The following ZNF469 variants were observed in gnomAD, a reference collection of about 807,000 sequenced individuals.
ZNF469 encodes the protein zinc finger protein 469.
Under a neutral mutation model 1.0 loss-of-function variants are expected in ZNF469, and 1 was observed. The ratio of observed to expected loss-of-function variants is 1.00; its 90% CI spans 0.35 to 4.73. The LOEUF (loss-of-function observed/expected upper bound fraction) is 4.73, where lower values mean the gene tolerates loss of function less well. ZNF469 is among the 30% of genes most tolerant of loss of function. ZNF469 has a pLI of 0.16. For synonymous variants in ZNF469, 2,703 were observed against 2,363.4 expected, an observed-to-expected ratio of 1.14 and a Z score of -4.17; for missense variants, 6,100 against 5,356.3, an observed-to-expected ratio of 1.14 and a Z score of -4.33.
At chr16:88,369,165 G>A in the ZNF469 span, among the ~76,000 whole-genome samples, 2 of 151,784 alleles carry the variant, frequency 1.3e-5, no homozygotes, top group Non-Finnish European at 2.9e-5. Flanking sequence ...ATCCTGAGAT[G>A]GTGGCCCTGC....
chr16:88,124,300 C>T, the ZNF469 span, among the ~76,000 whole-genome samples: 2 of 152,202 alleles, frequency 1.3e-5, no homozygotes, highest in Non-Finnish European at 2.9e-5. Context: ...GTGGTGCAAT[C>T]ATGGCTCACT....
chr16:88,311,898 C>G, the ZNF469 span, among the ~76,000 whole-genome samples: 1 of 152,234 alleles, frequency 6.6e-6, no homozygotes, highest in African/African-American at 2.4e-5. Context: ...ATGGTGAAAT[C>G]TCATTGGCTG....
At chr16:88,113,043 G>A in the ZNF469 span, among the ~76,000 whole-genome samples, 3 of 152,104 alleles carry the variant, frequency 2.0e-5, no homozygotes, top group Non-Finnish European at 2.9e-5. Context: ...CTCCCAAAGT[G>A]CTGGGATTAC....
At chr16:88,166,449 T>A in the ZNF469 span, among the ~76,000 whole-genome samples, 1 of 152,076 alleles carries the variant, frequency 6.6e-6, no homozygotes, top group African/African-American at 2.4e-5. This position sits in a 1 kb window ranked among gnomAD's most constrained non-coding sequence, Gnocchi z 4.5. Flanking sequence ...AATGCACAAG[T>A]CTTAGATGTA....
At chr16:88,361,018 A>C in the ZNF469 span, among the ~76,000 whole-genome samples, 5 of 152,162 alleles carry the variant, frequency 3.3e-5, no homozygotes, top group African/African-American at 1.2e-4. Flanking sequence ...TAATTATACA[A>C]CTCACCATAA....
the ZNF469 span, among the ~76,000 whole-genome samples, chr16:88,190,051 T>C: frequency 7.0e-6 from 1 of 143,228 alleles, no homozygotes; most frequent in Non-Finnish European, 1.5e-5. Flanking sequence ...TTCTCTCTCT[T>C]GTTGCCTTGT....
chr16:88,180,151 A>C, the ZNF469 span, among the ~76,000 whole-genome samples: 2 of 152,300 alleles, frequency 1.3e-5, no homozygotes, highest in East Asian at 3.9e-4. Flanking sequence ...ATCCAATAGA[A>C]GGAAGAAAAA....
the ZNF469 span, among the ~76,000 whole-genome samples, chr16:88,118,403 C>G: frequency 6.6e-6 from 1 of 152,170 alleles, no homozygotes; most frequent in South Asian, 2.1e-4. Flanking sequence ...TGGATGGGGC[C>G]GGTGTCAGCA....
At chr16:88,258,580 G>T in the ZNF469 span, among the ~76,000 whole-genome samples, 1 of 152,182 alleles carries the variant, frequency 6.6e-6, no homozygotes, top group Non-Finnish European at 1.5e-5. Flanking sequence ...AACCTTCTTC[G>T]TGGTGACTCT....
chr16:88,439,416 G>C lies in ZNF469; in HGVS notation c.*84G>C. On this transcript the variant is annotated 3_prime_UTR_variant, in exon 3 of 3. Coordinates refer to ENST00000565624, the MANE Select transcript of ZNF469 (RefSeq NM_001367624.2). ...TGGCCAGCTCCGGCTCCCTGAGATG[G>C]TCCACTCTGTGGCCACTTGACTTCT... The C allele has an allele frequency of 2.1e-6, 3 of 1,452,032 alleles. No homozygotes were observed. The highest frequency in any genetic ancestry group is 2.5e-5 in the South Asian group (2 of 81,336). 89.9% of individuals were successfully genotyped at this position (1,452,032 alleles called of 1,614,324 possible). A position where few individuals can be genotyped will look rare whatever the true frequency, so the allele number is the denominator to read the frequency against.
chr16:88,342,492 C>T, the ZNF469 span, among the ~76,000 whole-genome samples: 1 of 152,206 alleles, frequency 6.6e-6, no homozygotes, highest in African/African-American at 2.4e-5. Context: ...GGGAAAGCTG[C>T]TTCTGCTCTG....
Position 88,431,140 on chromosome 16 carries a change from G to A in ZNF469, c.3670G>A (p.Glu1224Lys). 1 of 1,550,210 alleles carries A rather than the reference G, an allele frequency of 6.5e-7. No individual in the cohort carries two copies. The highest frequency in any genetic ancestry group is 1.2e-5 in the South Asian group (1 of 84,052). ...ETRPSLDFPQEAKEPETAEES... is the reference protein window; with the variant it reads ...ETRPSLDFPQKAKEPETAEES... ...CCGCCCGTCGCTGGACTTTCCCCAGGAGGCCAAGGAGCCTGAAACTGCCGA... is the reference window on the plus strand; with the variant it reads ...CCGCCCGTCGCTGGACTTTCCCCAGAAGGCCAAGGAGCCTGAAACTGCCGA... Residue 1224 changes from glutamate to lysine, a missense_variant, in exon 3 of 3, where the codon GAG becomes AAG. Transcript: ENST00000565624.
the ZNF469 span, among the ~76,000 whole-genome samples, chr16:88,292,426 C>A: frequency 6.6e-6 from 1 of 152,162 alleles, no homozygotes; most frequent in Non-Finnish European, 1.5e-5. Context: ...CTCCACCCTC[C>A]CATCTATGAA....
upstream of ZNF469, among the ~76,000 whole-genome samples, chr16:88,381,578 T>G (rs1241931241): frequency 6.6e-6 from 1 of 152,226 alleles, no homozygotes; most frequent in East Asian, 1.9e-4. Context: ...TTGATTGAAA[T>G]CCTGATTAAC....
At chr16:88,267,786 G>A in the ZNF469 span, among the ~76,000 whole-genome samples, 6 of 151,718 alleles carry the variant, frequency 4.0e-5, no homozygotes, top group Non-Finnish European at 8.8e-5. Flanking sequence ...GTGGCTGTTT[G>A]CAGGTCGGGC....
At chr16:88,315,142 A>T in the ZNF469 span, among the ~76,000 whole-genome samples, 2 of 152,238 alleles carry the variant, frequency 1.3e-5, no homozygotes, top group Non-Finnish European at 2.9e-5. Context: ...TTTTGGTGAG[A>T]GCCAGGGGCA....
chr16:88,312,742 C>T, the ZNF469 span, among the ~76,000 whole-genome samples: 1 of 152,194 alleles, frequency 6.6e-6, no homozygotes, highest in African/African-American at 2.4e-5. Flanking sequence ...TGTGCCAAGA[C>T]CATTTGAAAT....
the ZNF469 span, among the ~76,000 whole-genome samples, chr16:88,368,085 G>A: frequency 6.6e-6 from 1 of 152,250 alleles, no homozygotes; most frequent in Non-Finnish European, 1.5e-5. Context: ...ATAGCAGCGA[G>A]GGCAGAGAAC....
intron 2 of ZNF469, among the ~76,000 whole-genome samples, chr16:88,425,444 AGTGCAGGGCAGGAGAT>A (rs200807371): frequency 0.051 from 7,708 of 151,800 alleles, 309 homozygotes; most frequent in African/African-American, 0.11. Flanking sequence ...GGCTAAGCCC[AGTGCAGGGCAGGAGAT>A]GTGCAGGGCA....
Sources: allele counts gnomAD v4.1 joint callset (sites outside exome capture counted in the v4.1 genomes callset), GRCh38; gene constraint gnomAD v4.1.1; non-coding constraint Gnocchi (gnomAD v3.1); transcripts MANE v1.5; gene names NCBI Gene and HGNC (gene_info 2026-07-23, HGNC 2026-07-21).